TBC1D32: variants seen among roughly 807,000 people sequenced by gnomAD.
The protein encoded by TBC1D32 is TBC1 domain family member 32, also known as protein broad-minded.
A neutral mutation model predicts 170.3 loss-of-function variants in TBC1D32; 151 were observed. That is an observed-to-expected ratio of 0.89 (90% confidence interval 0.78 to 1.01). The LOEUF (loss-of-function observed/expected upper bound fraction) is 1.01, where lower values mean the gene tolerates loss of function less well. TBC1D32 is among the 50% of genes least tolerant of loss of function. The pLI is 0.00. For synonymous variants in TBC1D32, 498 were observed against 488.0 expected, an observed-to-expected ratio of 1.02 and a Z score of -0.27; for missense variants, 1,464 against 1,457.1, an observed-to-expected ratio of 1.00 and a Z score of -0.08.
chr6:121,176,437 CCAAAATCCAAAATGCTT>C (rs1207508196), intron 22 of TBC1D32, among the ~76,000 whole-genome samples: 4 of 152,088 alleles, frequency 2.6e-5, no homozygotes, highest in Non-Finnish European at 5.9e-5. Context: ...ATCCCAAACT[CCAAAATCCAAAATGCTT>C]CAAAATCCAA....
In TBC1D32 at chr6:121,232,663, T is replaced by TTTTA. The variant is rs774619991; in HGVS notation, c.2364+6403_2364+6406dup. Among the ~76,000 whole-genome samples the TTTTA allele has an allele frequency of 3.9e-5, 6 of 152,198 alleles. No individual in the cohort carries two copies. The South Asian group carries it at 6.2e-4, about 16-fold the overall frequency. On this transcript the variant is annotated intron_variant, in intron 20 of 31. Coordinates refer to ENST00000398212, the MANE Select transcript of TBC1D32 (RefSeq NM_152730.6). ...CTTTGGTTAGGTATGTTCCTAAGTA[T>TTTTA]TTTATTTATTTATTTATTTTTGCAA...
intron 24 of TBC1D32, among the ~76,000 whole-genome samples, chr6:121,132,615 T>G (rs750570737): frequency 1.3e-5 from 2 of 151,978 alleles, no homozygotes; most frequent in Non-Finnish European, 2.9e-5. Flanking sequence ...ATCTGTTATT[T>G]CAGTTTAATT....
chr6:121,196,826 T>C (rs1043975889), intron 22 of TBC1D32, among the ~76,000 whole-genome samples: 1 of 152,136 alleles, frequency 6.6e-6, no homozygotes, highest in Admixed American at 6.5e-5. Flanking sequence ...ATCCAATATA[T>C]GATACTGTTT....
chr6:121,228,108 G>A (rs1333978819), intron 20 of TBC1D32, among the ~76,000 whole-genome samples: 2 of 151,868 alleles, frequency 1.3e-5, no homozygotes, highest in Non-Finnish European at 2.9e-5. Context: ...AATATCTGTG[G>A]AATCATTAGT....
At chr6:121,239,761 C>A (rs778086901) in intron 19 of TBC1D32, among the ~76,000 whole-genome samples, 9 of 151,774 alleles carry the variant, frequency 5.9e-5, no homozygotes, top group Non-Finnish European at 1.2e-4. Context: ...TACAACTAAA[C>A]GAAAATGAAT....
chr6:121,273,918 T>C (rs1255328296), intron 15 of TBC1D32, among the ~76,000 whole-genome samples: 1 of 152,198 alleles, frequency 6.6e-6, no homozygotes, highest in Admixed American at 6.5e-5. Flanking sequence ...TTTCTGTTCA[T>C]AAATCTTCTT....
chr6:121,186,811 G>A (rs1213032068), intron 22 of TBC1D32, among the ~76,000 whole-genome samples: 1 of 151,930 alleles, frequency 6.6e-6, no homozygotes, highest in Non-Finnish European at 1.5e-5. Flanking sequence ...AGGGAAGAGG[G>A]TAAGGCCATT....
In TBC1D32 at chr6:121,080,457, G is replaced by T; in HGVS notation, c.*314C>A. On this transcript the variant is annotated 3_prime_UTR_variant, in exon 32 of 32. Transcript: ENST00000398212. ...TCTCGATCTCTTGACCTCGTGATCC[G>T]CCCACCTCAGACTCCCAAAGTGCTG... 8.3e-6 allele frequency: 2 copies of T among 241,078 alleles called. No individual in the cohort carries two copies. The highest frequency in any genetic ancestry group is 4.7e-5 in the South Asian group (1 of 21,408). 14.9% of individuals were successfully genotyped at this position (241,078 alleles called of 1,614,324 possible).
chr6:121,171,209 A>T (rs1221626428), intron 22 of TBC1D32, among the ~76,000 whole-genome samples: 1 of 151,926 alleles, frequency 6.6e-6, no homozygotes, highest in African/African-American at 2.4e-5. Flanking sequence ...AGGAGAAAAC[A>T]GTCAACCAAA....
chr6:121,146,487 A>G (rs112511474), intron 24 of TBC1D32, among the ~76,000 whole-genome samples: 1 of 152,196 alleles, frequency 6.6e-6, no homozygotes, highest in African/African-American at 2.4e-5. Flanking sequence ...TATATCATTG[A>G]TAAAATAGGA....
At chr6:121,095,997 G>A (rs183711342) in intron 30 of TBC1D32, 2 of 152,322 alleles carry the variant, frequency 1.3e-5, no homozygotes, top group East Asian at 3.9e-4. Flanking sequence ...AATAGTTTCA[G>A]AAGGAATGGC....
intron 22 of TBC1D32, among the ~76,000 whole-genome samples, chr6:121,204,706 G>A (rs1315761240): frequency 1.3e-5 from 2 of 151,256 alleles, no homozygotes; most frequent in Non-Finnish European, 2.9e-5. Context: ...TTGGGCCTCA[G>A]GATAAATCAT....
intron 17 of TBC1D32, among the ~76,000 whole-genome samples, chr6:121,247,214 A>C (rs1797724688): frequency 6.6e-6 from 1 of 152,138 alleles, no homozygotes; most frequent in Non-Finnish European, 1.5e-5. Flanking sequence ...TTTTGTATCC[A>C]GCAAAACTAA....
At chr6:121,178,737 T>C (rs1201275251) in intron 22 of TBC1D32, among the ~76,000 whole-genome samples, 1 of 152,204 alleles carries the variant, frequency 6.6e-6, no homozygotes, top group Non-Finnish European at 1.5e-5. Context: ...AAGACTGTAG[T>C]GCTCTTCTTG....
intron 24 of TBC1D32, among the ~76,000 whole-genome samples, chr6:121,154,192 A>T (rs998422606): frequency 6.6e-6 from 1 of 152,124 alleles, no homozygotes; most frequent in Admixed American, 6.5e-5. Context: ...CCTGGACTGG[A>T]TAGCACCGTC....
chr6:121,245,639 C>A (rs1797498636), intron 17 of TBC1D32, among the ~76,000 whole-genome samples: 2 of 152,086 alleles, frequency 1.3e-5, no homozygotes, highest in South Asian at 2.1e-4. Context: ...CAAAACTGAG[C>A]CTTCTTTCAT....
At chr6:121,094,901 A>G (rs1314575771) in intron 30 of TBC1D32, among the ~76,000 whole-genome samples, 1 of 151,966 alleles carries the variant, frequency 6.6e-6, no homozygotes. Context: ...TTCCTCGGTT[A>G]GAGCTCTACA....
At chr6:121,087,870 T>C (rs1471804329) in intron 31 of TBC1D32, among the ~76,000 whole-genome samples, 1 of 152,224 alleles carries the variant, frequency 6.6e-6, no homozygotes, top group African/African-American at 2.4e-5. Context: ...CATTATTAAA[T>C]ATGTAGAGCG....
chr6:121,112,422 C>T, intron 29 of TBC1D32, 83 bp downstream of exon 29: 1 of 1,267,558 alleles, frequency 7.9e-7, no homozygotes. Context: ...AAGTCCTTCA[C>T]AAATAAAATT....
Sources: allele counts gnomAD v4.1 joint callset (sites outside exome capture counted in the v4.1 genomes callset), GRCh38; gene constraint gnomAD v4.1.1; transcripts MANE v1.5; gene names NCBI Gene and HGNC (gene_info 2026-07-23, HGNC 2026-07-21).